SPAG6: variants seen among roughly 807,000 people sequenced by gnomAD.
The protein encoded by SPAG6 is sperm-associated antigen 6.
Under a neutral mutation model 58.5 loss-of-function variants are expected in SPAG6, and 49 were observed. The observed-to-expected ratio is 0.84, with a 90% CI of 0.67 to 1.06. The LOEUF (loss-of-function observed/expected upper bound fraction) is 1.06, where lower values mean the gene tolerates loss of function less well. Among genes scored for constraint, SPAG6 ranks in the 50% least tolerant of loss-of-function variants. The pLI is 0.00. For synonymous variants in SPAG6, 233 were observed against 225.6 expected, an observed-to-expected ratio of 1.03 and a Z score of -0.29; for missense variants, 560 against 611.3, an observed-to-expected ratio of 0.92 and a Z score of 0.89.
intron 9 of SPAG6, among the ~76,000 whole-genome samples, chr10:22,404,567 C>G (rs1477177904): frequency 8.6e-6 from 1 of 115,760 alleles, no homozygotes; most frequent in Non-Finnish European, 1.8e-5. Context: ...AGTCAGGTAG[C>G]GTGATGCCTC....
chr10:22,402,814 C>G (rs1468457338), intron 9 of SPAG6, among the ~76,000 whole-genome samples: 1 of 152,004 alleles, frequency 6.6e-6, no homozygotes, highest in African/African-American at 2.4e-5. Flanking sequence ...AGAAGGTGAC[C>G]AGCTAATTTG....
intron 4 of SPAG6, among the ~76,000 whole-genome samples, chr10:22,385,012 C>T (rs1210481147): frequency 2.0e-5 from 3 of 151,706 alleles, no homozygotes; most frequent in African/African-American, 7.3e-5. Flanking sequence ...TACATCAAAA[C>T]AAAATATTCA....
chr10:22,352,207 GTA>G (rs1836748173), intron 2 of SPAG6, among the ~76,000 whole-genome samples: 1 of 151,340 alleles, frequency 6.6e-6, no homozygotes, highest in South Asian at 2.1e-4. Context: ...GTGTGTGCGT[GTA>G]TGTGTGTGTG....
intron 2 of SPAG6, among the ~76,000 whole-genome samples, chr10:22,358,889 T>G (rs1405024807): frequency 6.6e-6 from 1 of 152,210 alleles, no homozygotes; most frequent in Non-Finnish European, 1.5e-5. Flanking sequence ...TTCCTAGAAC[T>G]TTAGAAATTT....
At chr10:22,376,942 A>G (rs534492507) in intron 4 of SPAG6, among the ~76,000 whole-genome samples, 30 of 151,962 alleles carry the variant, frequency 2.0e-4, no homozygotes, top group African/African-American at 6.8e-4. Flanking sequence ...TTAGCTGAGT[A>G]TAGTGGTGTA....
At chr10:22,391,030 C>G (rs1489688713) in intron 7 of SPAG6, among the ~76,000 whole-genome samples, 1 of 152,066 alleles carries the variant, frequency 6.6e-6, no homozygotes, top group Non-Finnish European at 1.5e-5. Flanking sequence ...CTTGGGTATA[C>G]AAAATGTAAT....
chr10:22,412,730 C>G (rs991197263), intron 10 of SPAG6: 2 of 350,664 alleles, frequency 5.7e-6, no homozygotes, highest in Non-Finnish European at 1.0e-5. Context: ...CGCTACCACT[C>G]CCAGCTAATG....
At chr10:22,364,709 C>A in intron 2 of SPAG6, 144 bp from the exon 3 acceptor site, 2 of 575,534 alleles carry the variant, frequency 3.5e-6, no homozygotes, top group Non-Finnish European at 5.9e-6. Context: ...TTAGGTACTT[C>A]TAAATTTCCA....
chr10:22,384,093 G>T (rs111884039), intron 4 of SPAG6, among the ~76,000 whole-genome samples: 13 of 152,306 alleles, frequency 8.5e-5, no homozygotes, highest in African/African-American at 3.1e-4. Flanking sequence ...TTTTGCAGCT[G>T]AACAATGTCA....
chr10:22,379,123 G>A (rs887075515), intron 4 of SPAG6, among the ~76,000 whole-genome samples: 1 of 152,076 alleles, frequency 6.6e-6, no homozygotes, highest in African/African-American at 2.4e-5. Flanking sequence ...AAAATCACTC[G>A]AGACTTTTAC....
At position 22,416,961 on chromosome 10, in the gene SPAG6, A is replaced by G; in HGVS notation, c.*273A>G. Reference sequence around the variant, plus strand: ...TTAAGGCATTTTGTTATTCTGTTAAAAACCACACACACTCGTACATGCAGA... The same window carrying G: ...TTAAGGCATTTTGTTATTCTGTTAAGAACCACACACACTCGTACATGCAGA... On this transcript the variant is annotated 3_prime_UTR_variant, in exon 11 of 11. Coordinates refer to ENST00000376624, the MANE Select transcript of SPAG6 (RefSeq NM_012443.4). 1 of 284,964 alleles carries G rather than the reference A, an allele frequency of 3.5e-6. No homozygotes were observed. Among genetic ancestry groups the G allele is most frequent in the Non-Finnish European group, 6.8e-6 (1 of 147,868 alleles). 17.7% of individuals were successfully genotyped at this position (284,964 alleles called of 1,614,324 possible). A position where few individuals can be genotyped will look rare whatever the true frequency, so the allele number is the denominator to read the frequency against.
chr10:22,359,029 T>C (rs1418569184), intron 2 of SPAG6, among the ~76,000 whole-genome samples: 2 of 152,160 alleles, frequency 1.3e-5, no homozygotes, highest in Non-Finnish European at 1.5e-5. Context: ...ACCCAATTAG[T>C]TTTCCTCTAG....
intron 9 of SPAG6, among the ~76,000 whole-genome samples, chr10:22,408,667 G>T (rs989659213): frequency 5.3e-5 from 8 of 152,214 alleles, no homozygotes; most frequent in Admixed American, 2.0e-4. Context: ...GCTGCACCCA[G>T]TTGGAGCTTC....
chr10:22,380,418 C>T (rs1157827523), intron 4 of SPAG6, among the ~76,000 whole-genome samples: 2 of 151,884 alleles, frequency 1.3e-5, no homozygotes, highest in African/African-American at 4.8e-5. Context: ...GTCCTCCCAC[C>T]TCAGCCTCCC....
intron 4 of SPAG6, among the ~76,000 whole-genome samples, chr10:22,378,994 T>G (rs1385648999): frequency 6.6e-6 from 1 of 152,110 alleles, no homozygotes; most frequent in Non-Finnish European, 1.5e-5. Flanking sequence ...ACCCTTAAGC[T>G]CTCAAACACT....
rs918860729 is a variant in SPAG6, at chr10:22,368,495, C to T, written c.289C>T (p.Arg97Cys). Residue 97 changes from arginine to cysteine, a missense_variant and splice_region_variant, in exon 4 of 11, where the codon CGC becomes TGC. By Grantham distance (180) the Arg-to-Cys change is radical. Coordinates refer to ENST00000376624, the MANE Select transcript of SPAG6 (RefSeq NM_012443.4). ...QLVYSLAEQN[R>C]FYKKAAAFVL... ...AGTTTTGTCTGTTTGACCCTTGTAG[C>T]GCTTCTACAAGAAAGCAGCTGCCTT... is the stretch of plus-strand genomic sequence containing the variant. 17 of 1,612,482 alleles carry T rather than the reference C, an allele frequency of 1.1e-5. No homozygotes were observed. Among genetic ancestry groups the T allele is most frequent in the African/African-American group, 8.0e-5 (6 of 74,840 alleles).
At position 22,345,939 on chromosome 10, in the gene SPAG6, G is replaced by A. The variant is rs1217015680; in HGVS notation, c.121+121G>A. 3 of 1,562,032 alleles carry A rather than the reference G, an allele frequency of 1.9e-6. No individual in the cohort carries two copies. The highest frequency in any genetic ancestry group is 1.7e-6 in the Non-Finnish European group (2 of 1,153,672). ...AGTGTGGGGACCGGAGTTCGCAAAA[G>A]CATCCATTCTTTTCAGCGGGTCTTT... On this transcript the variant is annotated intron_variant, in intron 2 of 10. Transcript: ENST00000376624. This position sits in a 1 kb window ranked among gnomAD's most constrained non-coding sequence, Gnocchi z 6.3.
At chr10:22,350,070 AC>A (rs1377696671) in intron 2 of SPAG6, among the ~76,000 whole-genome samples, 17 of 152,148 alleles carry the variant, frequency 1.1e-4, no homozygotes, top group African/African-American at 3.9e-4. Flanking sequence ...CAAAGCAACT[AC>A]AAAAAATTTA....
At chr10:22,410,910 G>A in intron 9 of SPAG6, 121 bp from the exon 10 acceptor site, 2 of 970,384 alleles carry the variant, frequency 2.1e-6, no homozygotes, top group Non-Finnish European at 2.9e-6. Context: ...GGCTCATTAT[G>A]TTATAGGTAT....
Sources: gnomAD v4.1 joint callset for allele counts (sites outside exome capture counted in the v4.1 genomes callset) on GRCh38, gnomAD v4.1.1 for gene constraint, Gnocchi (gnomAD v3.1) non-coding constraint, MANE v1.5 for transcripts, NCBI Gene and HGNC (gene_info 2026-07-23, HGNC 2026-07-21) for gene names.